The following PLEKHG3 variants were observed in gnomAD, a reference collection of about 807,000 sequenced individuals.
PLEKHG3 encodes pleckstrin homology domain-containing family G member 3.
A neutral mutation model predicts 94.9 loss-of-function variants in PLEKHG3; 62 were observed. That is an observed-to-expected ratio of 0.65 (90% CI 0.53 to 0.81). The LOEUF is 0.81. Ranked by LOEUF, PLEKHG3 falls within the 30% of genes least tolerant of loss-of-function variation. The probability of loss-of-function intolerance (pLI) is 0.00; values close to 1 mark genes in which losing one functional copy is unlikely to be tolerated. For missense variants in PLEKHG3, 1,461 were observed against 1,619.3 expected, an observed-to-expected ratio of 0.90 and a Z score of 1.68; for synonymous variants, 614 against 654.0, an observed-to-expected ratio of 0.94 and a Z score of 0.93.
In PLEKHG3 at chr14:64,739,498, G is replaced by A. The variant is rs1025046371; in HGVS notation, c.1518+643G>A. Among the ~76,000 whole-genome samples the A allele has an allele frequency of 2.6e-5, 4 of 152,296 alleles. No homozygotes were observed. The South Asian group carries it at 6.2e-4, about 24-fold the overall frequency. ...TTCCCAAAGTTATAAGGGAAAGATC[G>A]TGAGCTACAGCCTGGACCCCATGTT... On this transcript the variant is annotated intron_variant, in intron 15 of 16. Transcript: ENST00000247226. The surrounding 1 kb of genome is among the most constrained non-coding windows in gnomAD (Gnocchi z 4.1).
At position 64,727,088 on chromosome 14, in the gene PLEKHG3, C is replaced by T. The variant is rs1382043964; in HGVS notation, c.-39-505C>T. Among the ~76,000 whole-genome samples, 2 of 152,132 alleles carry T rather than the reference C, an allele frequency of 1.3e-5. No homozygotes were observed. Among genetic ancestry groups the T allele is most frequent in the Non-Finnish European group, 2.9e-5 (2 of 68,022 alleles). ...GGCATCATGCTCAGAGCTTTACGAA[C>T]AGCAGGTGGCTTCATCTGGGAGGAC... On this transcript the variant is annotated intron_variant, in intron 1 of 16. Coordinates refer to ENST00000247226, the MANE Select transcript of PLEKHG3 (RefSeq NM_001308147.2). This position sits in a 1 kb window ranked among gnomAD's most constrained non-coding sequence, Gnocchi z 6.0.
chr14:64,743,233 C>T lies in PLEKHG3; in HGVS notation c.3190C>T (p.Arg1064Cys), dbSNP rs200998943. The T allele has an allele frequency of 2.3e-5, 37 of 1,607,922 alleles. No homozygotes were observed. Among genetic ancestry groups the T allele is most frequent in the Admixed American group, 1.7e-4 (10 of 59,804 alleles). ...CAAGTATGCCTCCCGCGATGAGGCA[C>T]GCCGAGCAGGGGGCGGCCGGCCCCG... is the stretch of plus-strand genomic sequence containing the variant. ...CSKYASRDEA[R>C]RAGGGRPRGP... Residue 1064 changes from arginine to cysteine, a missense_variant, in exon 17 of 17, where the codon CGC (arginine) becomes TGC (cysteine). Physicochemically the swap from Arg to Cys is radical, Grantham distance 180. This residue lies in a region of PLEKHG3 where 1,201 missense variants were observed against 1,295.5 expected (regional missense o/e 0.93). Transcript: ENST00000247226. This position sits in a 1 kb window ranked among gnomAD's most constrained non-coding sequence, Gnocchi z 7.2.
rs1486079883 is a variant in PLEKHG3, at chr14:64,722,521, C to G, written c.-39-5072C>G. Among the ~76,000 whole-genome samples, 1 of 152,122 alleles carries G rather than the reference C, an allele frequency of 6.6e-6. No individual in the cohort carries two copies. The highest frequency in any genetic ancestry group is 1.5e-5 in the Non-Finnish European group (1 of 68,026). On this transcript the variant is annotated intron_variant, in intron 1 of 16. Coordinates refer to ENST00000247226, the MANE Select transcript of PLEKHG3 (RefSeq NM_001308147.2). The surrounding 1 kb of genome is among the most constrained non-coding windows in gnomAD (Gnocchi z 4.3). ...AGGCGTGAGCCACTGCGCCTGGCCA[C>G]GAGGACTTTCCCTGTGTGCAGGTGC...
At position 64,743,824 on chromosome 14, in the gene PLEKHG3, A is replaced by G; in HGVS notation, c.*121A>G. 1 of 1,075,716 alleles carries G rather than the reference A, an allele frequency of 9.3e-7. No individual in the cohort carries two copies. Among genetic ancestry groups the G allele is most frequent in the Non-Finnish European group, 1.3e-6 (1 of 775,008 alleles). The allele number at this position is 1,075,716 out of a possible 1,614,324, so 66.6% of individuals were successfully genotyped here. ...GGGCCCTCAGGTGGGCGGAAAGTCC[A>G]TCCCCTCCGCCCTTCAGGAAGGATG... On this transcript the variant is annotated 3_prime_UTR_variant, in exon 17 of 17. Coordinates refer to ENST00000247226, the MANE Select transcript of PLEKHG3 (RefSeq NM_001308147.2). This position sits in a 1 kb window ranked among gnomAD's most constrained non-coding sequence, Gnocchi z 7.2.
chr14:64,735,314 A>G (rs910501837), intron 12 of PLEKHG3, among the ~76,000 whole-genome samples: 78 of 152,186 alleles, frequency 5.1e-4, no homozygotes, highest in Non-Finnish European at 1.8e-4. Flanking sequence ...CCTGTCTGTT[A>G]GAAAGCGATC....
At chr14:64,736,927 C>CGGG (rs1566712044) in intron 13 of PLEKHG3, 36 bp downstream of exon 13, 1 of 1,562,932 alleles carries the variant, frequency 6.4e-7, no homozygotes, top group South Asian at 1.1e-5. Flanking sequence ...TCCCAGTGAG[C>CGGG]GGGGGAGGAG....
chr14:64,732,808 A>T lies in PLEKHG3; in HGVS notation c.1252A>T (p.Asn418Tyr), dbSNP rs753051277. 2 of 1,604,360 alleles carry T rather than the reference A, an allele frequency of 1.2e-6. No individual in the cohort carries two copies. Among genetic ancestry groups the T allele is most frequent in the South Asian group, 2.3e-5 (2 of 88,856 alleles). Residue 418 changes from asparagine to tyrosine, a missense_variant, in exon 12 of 17, where the codon AAT becomes TAT. This residue lies in a region of PLEKHG3 where 1,201 missense variants were observed against 1,295.5 expected (regional missense o/e 0.93). Transcript: ENST00000247226. This position sits in a 1 kb window ranked among gnomAD's most constrained non-coding sequence, Gnocchi z 4.9. The stretch of plus-strand genomic sequence containing the variant: ...CGTCTCTCTCCTGGGTGCAGATCCC[A>T]ATCGGTACCGCTGCAGCCCAGAGCG... ...AILEMDSYYPNRYRCSPERLK... is the reference protein window; with the variant it reads ...AILEMDSYYPYRYRCSPERLK...
chr14:64,706,491 G>T (rs2140293513), intron 1 of PLEKHG3, among the ~76,000 whole-genome samples: 1 of 152,324 alleles, frequency 6.6e-6, no homozygotes, highest in Middle Eastern at 3.4e-3. Flanking sequence ...CTGTGGTGAG[G>T]ATCAAAGGAA....
In PLEKHG3 at chr14:64,738,557, C is replaced by G. The variant is rs1388765314; in HGVS notation, c.1405-185C>G. On this transcript the variant is annotated intron_variant, in intron 14 of 16. Transcript: ENST00000247226. The surrounding 1 kb of genome is among the most constrained non-coding windows in gnomAD (Gnocchi z 4.8). The stretch of plus-strand genomic sequence containing the variant: ...GGCTGAGGTTTTTTGAAGCTGCATG[C>G]CTGACAAGGCTTTCCGCAGCCCCAG... Among the ~76,000 whole-genome samples, 1 of 152,236 alleles carries G rather than the reference C, an allele frequency of 6.6e-6. No individual in the cohort carries two copies. Among genetic ancestry groups the G allele is most frequent in the East Asian group, 1.9e-4 (1 of 5,186 alleles).
intron 1 of PLEKHG3, among the ~76,000 whole-genome samples, chr14:64,724,259 G>A (rs965497144): frequency 9.2e-5 from 14 of 152,046 alleles, no homozygotes; most frequent in Non-Finnish European, 1.2e-4. Context: ...CTCTGAGAGC[G>A]ATGCCTCTTA....
rs2081148209 is a variant in PLEKHG3 at position 64,716,445 on chromosome 14, CACACACACACACACACACACA to C, written c.-39-11132_-39-11112del. The stretch of plus-strand genomic sequence containing the variant: ...GGTCATGTAGGGCCCTACACACACA[CACACACACACACACACACACA>C]ACACACACACACACAACACACACAC... On this transcript the variant is annotated intron_variant, in intron 1 of 16. Transcript: ENST00000247226. This position sits in a 1 kb window ranked among gnomAD's most constrained non-coding sequence, Gnocchi z 5.0. Among the ~76,000 whole-genome samples, 1 of 134,250 alleles carries C rather than the reference CACACACACACACACACACACA, an allele frequency of 7.4e-6. No individual in the cohort carries two copies. Among genetic ancestry groups the C allele is most frequent in the African/African-American group, 2.9e-5 (1 of 33,940 alleles). 88.1% of individuals were successfully genotyped at this position (134,250 alleles called of 152,430 possible).
Position 64,738,673 on chromosome 14 carries a change from C to T in PLEKHG3, c.1405-69C>T, listed in dbSNP as rs940795923. On this transcript the variant is annotated intron_variant, in intron 14 of 16. Transcript: ENST00000247226. The surrounding 1 kb of genome is among the most constrained non-coding windows in gnomAD (Gnocchi z 4.8). ...CCCTTGGGGCGTGGGAGGCACTGCC[C>T]GTGTTGGGATGCAGAAGGGATCAGC... 48 of 1,124,286 alleles carry T rather than the reference C, an allele frequency of 4.3e-5. No homozygotes were observed. The highest frequency in any genetic ancestry group is 6.2e-5 in the African/African-American group (4 of 64,982). 69.6% of individuals were successfully genotyped at this position (1,124,286 alleles called of 1,614,324 possible).
intron 1 of PLEKHG3, among the ~76,000 whole-genome samples, chr14:64,707,231 C>T (rs2080985955): frequency 6.6e-6 from 1 of 152,168 alleles, no homozygotes; most frequent in Admixed American, 6.5e-5. Flanking sequence ...TACTGGAGCC[C>T]CCAGCGGACC....
Position 64,715,291 on chromosome 14 carries a change from G to A in PLEKHG3, c.-40+10587G>A, listed in dbSNP as rs767636664. ...GATGGCCTTCTTGGCTTCGTCTCTC[G>A]GGCCATGTGGGAGGTTGTGGAGAGA... On this transcript the variant is annotated intron_variant, in intron 1 of 16. Transcript: ENST00000247226. This position sits in a 1 kb window ranked among gnomAD's most constrained non-coding sequence, Gnocchi z 4.4. Among the ~76,000 whole-genome samples, 2 of 152,126 alleles carry A rather than the reference G, an allele frequency of 1.3e-5. No homozygotes were observed. The highest frequency in any genetic ancestry group is 2.9e-5 in the Non-Finnish European group (2 of 68,016).
chr14:64,735,022 A>G (rs73273546), intron 12 of PLEKHG3, among the ~76,000 whole-genome samples: 25,994 of 152,064 alleles, frequency 0.17, 2,459 homozygotes, highest in African/African-American at 0.25. Flanking sequence ...CATCCCGCCT[A>G]GCTGAAATAG....
Position 64,739,996 on chromosome 14 carries a change from TTAG to T in PLEKHG3, c.1519-1034_1519-1032del, listed in dbSNP as rs1023040336. Among the ~76,000 whole-genome samples the T allele has an allele frequency of 6.6e-6, 1 of 152,246 alleles. No individual in the cohort carries two copies. ...TTAAAAGAAGCAGATGAAATTAATT[TTAG>T]TAGTATATTTTATTTAACCCAATGT... On this transcript the variant is annotated intron_variant, in intron 15 of 16. Transcript: ENST00000247226. The surrounding 1 kb of genome is among the most constrained non-coding windows in gnomAD (Gnocchi z 4.1).
Position 64,750,117 on chromosome 14 carries a change from C to T in PLEKHG3, c.*6414C>T. On this transcript the variant is annotated 3_prime_UTR_variant, in exon 17 of 17. Coordinates refer to ENST00000247226, the MANE Select transcript of PLEKHG3 (RefSeq NM_001308147.2). ...TTGGCATCCTTGTAGAAGGTTAGCT[C>T]ACTGTTCCTGAGCACACAGTACAGG... The T allele has an allele frequency of 1.2e-6, 2 of 1,614,152 alleles. No individual in the cohort carries two copies. The highest frequency in any genetic ancestry group is 1.7e-6 in the Non-Finnish European group (2 of 1,180,012).
intron 1 of PLEKHG3, among the ~76,000 whole-genome samples, chr14:64,714,297 GAGGAAA>G (rs1264537267): frequency 6.6e-6 from 1 of 152,190 alleles, no homozygotes; most frequent in Non-Finnish European, 1.5e-5. Context: ...TGGTGGGGTA[GAGGAAA>G]AGACTGTTGG....
At chr14:64,714,453 C>T (rs1202715028) in intron 1 of PLEKHG3, among the ~76,000 whole-genome samples, 1 of 152,176 alleles carries the variant, frequency 6.6e-6, no homozygotes, top group Admixed American at 6.5e-5. Flanking sequence ...TCTGTTTTCC[C>T]TCCTCTATCT....
Sources: gnomAD v4.1 joint callset for allele counts (sites outside exome capture counted in the v4.1 genomes callset) on GRCh38, gnomAD v4.1.1 for gene constraint, gnomAD v4.1.1 regional missense constraint, Gnocchi (gnomAD v3.1) non-coding constraint, MANE v1.5 for transcripts, NCBI Gene and HGNC (gene_info 2026-07-23, HGNC 2026-07-21) for gene names.